ACVR1: variants seen among roughly 807,000 people sequenced by gnomAD.
ACVR1 encodes activin receptor type-1.
In ACVR1, 38 loss-of-function variants were observed where a neutral mutation model predicts 57.1. The ratio of observed to expected loss-of-function variants is 0.67; its 90% CI spans 0.51 to 0.87. ACVR1 has a LOEUF of 0.87. ACVR1 is among the 40% of genes least tolerant of loss of function. The pLI is 0.00. For missense variants in ACVR1, 463 were observed against 638.2 expected (o/e 0.73, Z 2.96); for synonymous variants, 212 against 228.1 (o/e 0.93, Z 0.63).
At chr2:157,846,628 C>T (rs1247425531) in intron 1 of ACVR1, among the ~76,000 whole-genome samples, 4 of 152,200 alleles carry the variant, frequency 2.6e-5, no homozygotes, top group Admixed American at 6.5e-5. Flanking sequence ...CACACCACCA[C>T]CTTGTTCCAG....
At chr2:157,830,015 T>G (rs1275873545) in intron 1 of ACVR1, among the ~76,000 whole-genome samples, 1 of 152,140 alleles carries the variant, frequency 6.6e-6, no homozygotes, top group Non-Finnish European at 1.5e-5. Flanking sequence ...AGTCAGGAGT[T>G]CGAGACCAGC....
chr2:157,825,180 C>T (rs368154107), intron 1 of ACVR1, among the ~76,000 whole-genome samples: 5 of 152,198 alleles, frequency 3.3e-5, no homozygotes, highest in African/African-American at 1.2e-4. Flanking sequence ...TTCTGGTTAA[C>T]TGATGTTACC....
intron 1 of ACVR1, among the ~76,000 whole-genome samples, chr2:157,852,796 A>G (rs2105367244): frequency 2.0e-5 from 3 of 152,354 alleles, no homozygotes; most frequent in Middle Eastern, 6.8e-3. Context: ...TAAATGTCAT[A>G]GTATCAAAAT....
intron 9 of ACVR1, among the ~76,000 whole-genome samples, chr2:157,750,793 A>G (rs924782153): frequency 2.6e-5 from 4 of 152,186 alleles, no homozygotes; most frequent in African/African-American, 9.7e-5. Context: ...TCAAAATAAT[A>G]TTAAAGAAGC....
intron 6 of ACVR1, among the ~76,000 whole-genome samples, chr2:157,772,562 T>G (rs1176775870): frequency 6.6e-6 from 1 of 152,172 alleles, no homozygotes; most frequent in African/African-American, 2.4e-5. Flanking sequence ...ACTTTAAAGG[T>G]GCATTACTAT....
intron 3 of ACVR1, among the ~76,000 whole-genome samples, chr2:157,784,408 C>T (rs528305738): frequency 8.5e-5 from 13 of 152,334 alleles, no homozygotes; most frequent in African/African-American, 2.9e-4. Context: ...GTGCGAATAT[C>T]CAGGAAGTGC....
chr2:157,870,956 C>T (rs1376678973), intron 1 of ACVR1, among the ~76,000 whole-genome samples: 1 of 152,194 alleles, frequency 6.6e-6, no homozygotes, highest in East Asian at 1.9e-4. Context: ...AGACTAGGTC[C>T]CTTTGCTCCC....
At position 157,875,868 on chromosome 2, in the gene ACVR1, C is replaced by CGCGGCGCGGGGCGGCGCGGG. The variant is rs998775858; in HGVS notation, c.-275_-256dup. ...GAGGCAGCCGGGCGCTGCAGGTCGG[C>CGCGGCGCGGGGCGGCGCGGG]GCGGCGCGGGGCGGCGCGGGGCGGG... On this transcript the variant is annotated 5_prime_UTR_variant, in exon 1 of 11. Coordinates refer to ENST00000434821, the MANE Select transcript of ACVR1 (RefSeq NM_001111067.4). The CGCGGCGCGGGGCGGCGCGGG allele has an allele frequency of 1.4e-5, 2 of 147,832 alleles. No homozygotes were observed. The highest frequency in any genetic ancestry group is 3.0e-5 in the Non-Finnish European group (2 of 66,282). 9.2% of individuals were successfully genotyped at this position (147,832 alleles called of 1,614,324 possible).
chr2:157,806,154 A>G (rs1449548142), intron 2 of ACVR1, among the ~76,000 whole-genome samples: 2 of 152,092 alleles, frequency 1.3e-5, no homozygotes, highest in Admixed American at 6.6e-5. Flanking sequence ...TCAAGCCTCA[A>G]TTCTTCTGAA....
intron 3 of ACVR1, among the ~76,000 whole-genome samples, chr2:157,787,428 T>C (rs1686753291): frequency 6.6e-6 from 1 of 152,160 alleles, no homozygotes; most frequent in Admixed American, 6.5e-5. Context: ...AGGAATACTT[T>C]AAAAACCAAA....
intron 2 of ACVR1, among the ~76,000 whole-genome samples, chr2:157,816,437 CA>C (rs5835680): frequency 0.17 from 23,788 of 142,784 alleles, 5,328 homozygotes; most frequent in African/African-American, 0.51. Context: ...AAACAAACGA[CA>C]AAAAAAAAAA....
At chr2:157,872,799 A>G (rs921747791) in intron 1 of ACVR1, among the ~76,000 whole-genome samples, 1 of 152,168 alleles carries the variant, frequency 6.6e-6, no homozygotes, top group South Asian at 2.1e-4. Context: ...TGTATTGTGT[A>G]TGTAGGTTAT....
At chr2:157,803,685 A>T (rs1687408409) in intron 2 of ACVR1, among the ~76,000 whole-genome samples, 1 of 152,178 alleles carries the variant, frequency 6.6e-6, no homozygotes, top group Non-Finnish European at 1.5e-5. Flanking sequence ...AAGAAAGAGA[A>T]ACTAGTAGTG....
intron 9 of ACVR1, among the ~76,000 whole-genome samples, chr2:157,751,020 A>G (rs977172323): frequency 6.6e-6 from 1 of 152,194 alleles, no homozygotes; most frequent in Non-Finnish European, 1.5e-5. Context: ...CTTTGCTCCA[A>G]TAACTACTCC....
At chr2:157,823,847 A>G (rs1239142932) in intron 1 of ACVR1, among the ~76,000 whole-genome samples, 4 of 152,172 alleles carry the variant, frequency 2.6e-5, no homozygotes, top group Admixed American at 1.3e-4. Context: ...AAGTAAGGGA[A>G]TCAAGGAGAA....
intron 1 of ACVR1, among the ~76,000 whole-genome samples, chr2:157,858,599 C>G (rs114365179): frequency 0.01 from 1,563 of 152,094 alleles, 19 homozygotes; most frequent in African/African-American, 0.031. Context: ...GGCCTCCCAA[C>G]TAGCTGGGAT....
intron 1 of ACVR1, among the ~76,000 whole-genome samples, chr2:157,843,702 C>G (rs920424517): frequency 2.0e-5 from 3 of 152,122 alleles, no homozygotes; most frequent in Non-Finnish European, 1.5e-5. Context: ...CATGTACCTT[C>G]TAGGCCAACC....
chr2:157,755,935 C>T (rs531683885), intron 9 of ACVR1, among the ~76,000 whole-genome samples: 1 of 152,066 alleles, frequency 6.6e-6, no homozygotes, highest in Admixed American at 6.5e-5. Context: ...CCACAGTCAC[C>T]AAAACAGCAT....
chr2:157,738,469 T>C lies in ACVR1; in HGVS notation c.1366A>G (p.Asn456Asp), dbSNP rs1684625336. The C allele has an allele frequency of 6.2e-7, 1 of 1,613,902 alleles. No homozygotes were observed. The highest frequency in any genetic ancestry group is 1.1e-5 in the South Asian group (1 of 91,076). Residue 456 changes from asparagine to aspartate, a missense_variant, in exon 10 of 11, where the codon AAC becomes GAC. Around this residue, in one of 3 missense-constraint regions of ACVR1, gnomAD observed 146 missense variants for 186.6 expected, o/e 0.78. Coordinates refer to ENST00000434821, the MANE Select transcript of ACVR1 (RefSeq NM_001111067.4). The part of the protein sequence containing the change: ...KVVCVDQQRP[N>D]IPNRWFSDPT... ...TCTGAGAACCATCTGTTGGGTATGTTTGGCCTTTGTTGATCCACACAGACT... is the reference window on the plus strand; with the variant it reads ...TCTGAGAACCATCTGTTGGGTATGTCTGGCCTTTGTTGATCCACACAGACT...
Sources: gnomAD v4.1 joint callset for allele counts (sites outside exome capture counted in the v4.1 genomes callset) on GRCh38, gnomAD v4.1.1 for gene constraint, gnomAD v4.1.1 regional missense constraint, MANE v1.5 for transcripts, NCBI Gene and HGNC (gene_info 2026-07-23, HGNC 2026-07-21) for gene names.